Variants in NCOA2 observed in about 807,000 individuals in gnomAD.
NCOA2 encodes nuclear receptor coactivator 2, also known as class E basic helix-loop-helix protein 75.
Under a neutral mutation model 145.1 loss-of-function variants are expected in NCOA2, and 21 were observed. The observed-to-expected ratio is 0.14, with a 90% CI of 0.10 to 0.21. NCOA2 has a LOEUF of 0.21. NCOA2 is among the 10% of genes least tolerant of loss of function. NCOA2 has a pLI of 1.00. For missense variants in NCOA2, 1,472 were observed against 1,837.6 expected (o/e 0.80, Z 3.64); for synonymous variants, 619 against 637.5 (o/e 0.97, Z 0.44).
chr8:70,337,840 T>TG (rs1233484408), intron 1 of NCOA2, among the ~76,000 whole-genome samples: 3 of 152,170 alleles, frequency 2.0e-5, no homozygotes, highest in Non-Finnish European at 2.9e-5. Context: ...TGCTCCTGAA[T>TG]GACTCTTGGT....
intron 4 of NCOA2, among the ~76,000 whole-genome samples, chr8:70,211,617 G>A (rs938752999): frequency 3.9e-5 from 6 of 152,106 alleles, no homozygotes; most frequent in African/African-American, 1.4e-4. Context: ...TCTATATGAG[G>A]CAACTGAGTC....
intron 1 of NCOA2, among the ~76,000 whole-genome samples, chr8:70,336,832 C>T (rs1052360401): frequency 6.6e-6 from 1 of 152,118 alleles, no homozygotes; most frequent in Non-Finnish European, 1.5e-5. Flanking sequence ...CCGCATTCTG[C>T]TTATCCATTC....
chr8:70,354,096 G>C (rs530469405), intron 1 of NCOA2, among the ~76,000 whole-genome samples: 5 of 152,224 alleles, frequency 3.3e-5, no homozygotes, highest in Non-Finnish European at 1.5e-5. Context: ...CCAAGGGTAT[G>C]ACCAAGAAGG....
At chr8:70,423,750 G>A in the NCOA2 span, among the ~76,000 whole-genome samples, 8 of 152,250 alleles carry the variant, frequency 5.3e-5, no homozygotes, top group South Asian at 2.1e-4. Flanking sequence ...TCAAAGGAAC[G>A]AGTAACTGGC....
intron 1 of NCOA2, among the ~76,000 whole-genome samples, chr8:70,330,216 A>AATGATG (rs57235614): frequency 0.11 from 16,510 of 150,840 alleles, 1,314 homozygotes; most frequent in East Asian, 0.4. Context: ...TGATGATGAT[A>AATGATG]ATGATGATGA....
chr8:70,283,011 G>A (rs1225564911), intron 2 of NCOA2, among the ~76,000 whole-genome samples: 1 of 152,194 alleles, frequency 6.6e-6, no homozygotes, highest in Non-Finnish European at 1.5e-5. Context: ...CCACCCACAA[G>A]CAGGGCTAAA....
chr8:70,223,218 G>GT (rs1820317312), intron 2 of NCOA2, among the ~76,000 whole-genome samples: 1 of 152,166 alleles, frequency 6.6e-6, no homozygotes, highest in East Asian at 1.9e-4. Flanking sequence ...TAGCACTTGT[G>GT]TTTGAGTTTC....
At chr8:70,155,055 T>C (rs2132185981) in intron 11 of NCOA2, among the ~76,000 whole-genome samples, 1 of 152,340 alleles carries the variant, frequency 6.6e-6, no homozygotes, top group African/African-American at 2.4e-5. Context: ...TTTTAATTTG[T>C]CAAGTATAAA....
rs1180305000 is a variant in NCOA2, at chr8:70,153,716, C to T, written c.2394+2255G>A. On this transcript the variant is annotated intron_variant, in intron 11 of 22. Coordinates refer to ENST00000452400, the MANE Select transcript of NCOA2 (RefSeq NM_006540.4). Reference sequence around the variant, plus strand: ...TAGTACACCTCAAAAGATTAAAACACTTACAGGTGTTAATATGGTTTTACA... The same window carrying T: ...TAGTACACCTCAAAAGATTAAAACATTTACAGGTGTTAATATGGTTTTACA... 3.3e-5 allele frequency among the ~76,000 whole-genome samples: 5 copies of T among 152,156 alleles called. No homozygotes were observed. The East Asian group carries it at 7.7e-4, about 23-fold the overall frequency.
intron 1 of NCOA2, among the ~76,000 whole-genome samples, chr8:70,311,008 G>T (rs149161419): frequency 5.3e-5 from 8 of 151,880 alleles, no homozygotes; most frequent in African/African-American, 1.9e-4. Context: ...TATGTTTATG[G>T]TCTCTTAGGC....
intron 2 of NCOA2, chr8:70,273,934 A>C: frequency 2.5e-6 from 1 of 396,132 alleles, no homozygotes; most frequent in Non-Finnish European, 4.9e-6. Flanking sequence ...CTTTTTAAGA[A>C]ATTTTTGTTT....
At chr8:70,408,510 A>G (rs184530376), upstream of NCOA2, among the ~76,000 whole-genome samples, 1 of 152,384 alleles carries the variant, frequency 6.6e-6, no homozygotes, top group Admixed American at 6.5e-5. Context: ...GCCTAAAAAC[A>G]GAAATAGACT....
At position 70,156,636 on chromosome 8, in the gene NCOA2, T is replaced by A. The variant is rs756518286; in HGVS notation, c.1729A>T (p.Met577Leu). 8 of 1,613,856 alleles carry A rather than the reference T, an allele frequency of 5.0e-6. No homozygotes were observed. The highest frequency in any genetic ancestry group is 6.8e-6 in the Non-Finnish European group (8 of 1,179,898). The change falls in exon 11 of 23, where the codon ATG becomes TTG. Residue 577 changes from methionine (M) to leucine (L), a missense_variant. This residue lies in a region of NCOA2 where 953 missense variants were observed against 1,062.1 expected (regional missense o/e 0.90). Transcript: ENST00000452400. Reference sequence around the variant, plus strand: ...CAGTCTTTTGAGTCCAAGCTTCCCATCTTGCTGAGTGGGGGAGGATTCATA... The same window carrying A: ...CAGTCTTTTGAGTCCAAGCTTCCCAACTTGCTGAGTGGGGGAGGATTCATA... ...VNMNPPPLSK[M>L]GSLDSKDCFG...
intron 1 of NCOA2, among the ~76,000 whole-genome samples, chr8:70,372,016 G>GA (rs1811268934): frequency 1.3e-5 from 2 of 152,030 alleles, no homozygotes; most frequent in Non-Finnish European, 2.9e-5. Flanking sequence ...AAGTATTAGG[G>GA]AAAAAATGTT....
At chr8:70,289,462 C>T (rs866568054) in intron 2 of NCOA2, among the ~76,000 whole-genome samples, 2 of 152,098 alleles carry the variant, frequency 1.3e-5, no homozygotes, top group African/African-American at 4.8e-5. Flanking sequence ...GAAACTCTGG[C>T]CTATCACATC....
At chr8:70,282,989 ACATCCAGAAGGCC>A (rs1290040948) in intron 2 of NCOA2, among the ~76,000 whole-genome samples, 1 of 152,196 alleles carries the variant, frequency 6.6e-6, no homozygotes, top group Non-Finnish European at 1.5e-5. Flanking sequence ...ATTTTAGTAA[ACATCCAGAAGGCC>A]ACCCACAAGC....
chr8:70,351,861 G>A (rs548749022), intron 1 of NCOA2, among the ~76,000 whole-genome samples: 8 of 151,514 alleles, frequency 5.3e-5, no homozygotes, highest in East Asian at 1.9e-4. Context: ...AGGACTACAG[G>A]TGTGAGCCAC....
intron 2 of NCOA2, among the ~76,000 whole-genome samples, chr8:70,266,131 C>T (rs12548391): frequency 0.076 from 11,549 of 152,242 alleles, 542 homozygotes; most frequent in East Asian, 0.12. Context: ...GCCTGGGTGA[C>T]AGAGTGAGAC....
At chr8:70,259,281 G>C (rs1823910833) in intron 2 of NCOA2, among the ~76,000 whole-genome samples, 1 of 152,104 alleles carries the variant, frequency 6.6e-6, no homozygotes, top group Admixed American at 6.5e-5. Flanking sequence ...ATAAATATGT[G>C]CCTGTATCAG....
Sources: gnomAD v4.1 joint callset for allele counts (sites outside exome capture counted in the v4.1 genomes callset) on GRCh38, gnomAD v4.1.1 for gene constraint, gnomAD v4.1.1 regional missense constraint, MANE v1.5 for transcripts, NCBI Gene and HGNC (gene_info 2026-07-23, HGNC 2026-07-21) for gene names.